The following SCHIP1 variants were observed in gnomAD, a reference collection of about 807,000 sequenced individuals.
SCHIP1 encodes the protein schwannomin interacting protein 1.
In SCHIP1, 8 loss-of-function variants were observed where a neutral mutation model predicts 29.7. The ratio of observed to expected loss-of-function variants is 0.27; its 90% CI spans 0.16 to 0.49. The LOEUF is 0.49. Ranked by LOEUF, SCHIP1 falls within the 20% of genes least tolerant of loss-of-function variation. The pLI, the probability that SCHIP1 is intolerant of heterozygous loss-of-function variation, is 0.99. For missense variants in SCHIP1, 193 were observed against 294.6 expected (o/e 0.66, Z 2.52); for synonymous variants, 76 against 94.9 (o/e 0.80, Z 1.16).
the SCHIP1 span, among the ~76,000 whole-genome samples, chr3:159,664,823 T>C: frequency 3.9e-5 from 6 of 152,230 alleles, no homozygotes; most frequent in Admixed American, 1.3e-4. Flanking sequence ...TGTGTACAAG[T>C]GGCTCTCAAA....
chr3:159,626,811 C>T, the SCHIP1 span, among the ~76,000 whole-genome samples: 1 of 152,148 alleles, frequency 6.6e-6, no homozygotes, highest in Non-Finnish European at 1.5e-5. Flanking sequence ...CCCTTTTGTA[C>T]ATGCATTGGG....
chr3:159,387,908 C>T, the SCHIP1 span, among the ~76,000 whole-genome samples: 1 of 152,024 alleles, frequency 6.6e-6, no homozygotes, highest in African/African-American at 2.4e-5. Context: ...AGGGAGTGGA[C>T]AGAAAATTCA....
At chr3:159,854,836 A>G (rs1400851593) in intron 1 of SCHIP1, among the ~76,000 whole-genome samples, 3 of 152,222 alleles carry the variant, frequency 2.0e-5, no homozygotes, top group Admixed American at 2.0e-4. Flanking sequence ...ATGCATTAAC[A>G]ATGAAGTCAT....
the SCHIP1 span, chr3:159,764,507 C>T: frequency 6.3e-7 from 1 of 1,586,926 alleles, no homozygotes; most frequent in Non-Finnish European, 8.6e-7. The surrounding 1 kb of genome is among the most constrained non-coding windows in gnomAD (Gnocchi z 6.1). Context: ...AGCAGCCGCG[C>T]CAGTTCACAG....
At chr3:159,657,698 AGAT>A in the SCHIP1 span, among the ~76,000 whole-genome samples, 1 of 152,250 alleles carries the variant, frequency 6.6e-6, no homozygotes, top group East Asian at 1.9e-4. Context: ...AGCCTCCTGA[AGAT>A]AAACTAATTG....
At chr3:159,680,530 TATATA>T in the SCHIP1 span, among the ~76,000 whole-genome samples, 27 of 115,178 alleles carry the variant, frequency 2.3e-4, no homozygotes, top group Non-Finnish European at 5.0e-5. Flanking sequence ...TATATATATG[TATATA>T]ATATATGTAT....
chr3:159,322,356 C>A, the SCHIP1 span, among the ~76,000 whole-genome samples: 32 of 152,282 alleles, frequency 2.1e-4, no homozygotes, highest in African/African-American at 7.7e-4. Context: ...ACAGACCATA[C>A]TATTGTCTTA....
chr3:159,467,992 C>T, the SCHIP1 span, among the ~76,000 whole-genome samples: 1 of 152,074 alleles, frequency 6.6e-6, no homozygotes, highest in Non-Finnish European at 1.5e-5. Context: ...GCATATAAAG[C>T]CTCCAGTCAA....
the SCHIP1 span, among the ~76,000 whole-genome samples, chr3:159,668,168 G>A: frequency 6.6e-6 from 1 of 152,038 alleles, no homozygotes; most frequent in Non-Finnish European, 1.5e-5. Flanking sequence ...AGGAGATTGA[G>A]ACCATCCTGG....
chr3:159,454,928 A>G, the SCHIP1 span, among the ~76,000 whole-genome samples: 1 of 152,242 alleles, frequency 6.6e-6, no homozygotes, highest in African/African-American at 2.4e-5. Flanking sequence ...ACTCTTTTAA[A>G]ATAGATCACT....
chr3:159,495,348 C>T, the SCHIP1 span, among the ~76,000 whole-genome samples: 2 of 152,100 alleles, frequency 1.3e-5, no homozygotes, highest in African/African-American at 2.4e-5. Flanking sequence ...GATTGTATAT[C>T]TAGAAAACCC....
the SCHIP1 span, among the ~76,000 whole-genome samples, chr3:159,724,026 T>C: frequency 6.6e-6 from 1 of 152,190 alleles, no homozygotes; most frequent in Non-Finnish European, 1.5e-5. Context: ...GTTGAACCAG[T>C]TTATTTTCCT....
At chr3:159,639,702 T>C in the SCHIP1 span, among the ~76,000 whole-genome samples, 1 of 152,190 alleles carries the variant, frequency 6.6e-6, no homozygotes, top group Admixed American at 6.5e-5. Flanking sequence ...ATCTATTTTA[T>C]TTCTTCATAG....
the SCHIP1 span, among the ~76,000 whole-genome samples, chr3:159,678,558 A>G: frequency 1.3e-5 from 2 of 152,390 alleles, no homozygotes; most frequent in African/African-American, 4.8e-5. Context: ...AAACTAATAT[A>G]ACAAAATATT....
At chr3:159,717,318 A>G in the SCHIP1 span, among the ~76,000 whole-genome samples, 8 of 152,342 alleles carry the variant, frequency 5.3e-5, no homozygotes, top group Non-Finnish European at 1.2e-4. Flanking sequence ...CACAATTAAA[A>G]GAACTGGAGA....
the SCHIP1 span, among the ~76,000 whole-genome samples, chr3:159,465,329 G>A: frequency 6.6e-6 from 1 of 151,474 alleles, no homozygotes; most frequent in Non-Finnish European, 1.5e-5. Flanking sequence ...GTGTGTGTGT[G>A]TGTGTGTGTG....
At chr3:159,395,736 C>T in the SCHIP1 span, among the ~76,000 whole-genome samples, 2 of 151,596 alleles carry the variant, frequency 1.3e-5, no homozygotes, top group African/African-American at 4.8e-5. Context: ...AGCTTTACTT[C>T]CAAGTATGTG....
At chr3:159,369,611 G>A in the SCHIP1 span, among the ~76,000 whole-genome samples, 8 of 152,110 alleles carry the variant, frequency 5.3e-5, no homozygotes, top group Admixed American at 5.2e-4. Context: ...TAAATTCATA[G>A]ATAACTGCCC....
the SCHIP1 span, among the ~76,000 whole-genome samples, chr3:159,567,565 C>T: frequency 2.6e-5 from 4 of 152,192 alleles, no homozygotes; most frequent in East Asian, 1.9e-4. Flanking sequence ...CAAAACACAG[C>T]GCTATAATTT....
Sources: allele counts gnomAD v4.1 joint callset (sites outside exome capture counted in the v4.1 genomes callset), GRCh38; gene constraint gnomAD v4.1.1; non-coding constraint Gnocchi (gnomAD v3.1); transcripts MANE v1.5; gene names NCBI Gene and HGNC (gene_info 2026-07-23, HGNC 2026-07-21).